Variants in TKFC observed in about 807,000 individuals in gnomAD.
The protein encoded by TKFC is triokinase and FMN cyclase.
In TKFC, 46 loss-of-function variants were observed where a neutral mutation model predicts 61.0. That is an observed-to-expected ratio of 0.75 (90% CI 0.60 to 0.96). The LOEUF (loss-of-function observed/expected upper bound fraction) is 0.96. Ranked by LOEUF, TKFC falls within the 50% of genes least tolerant of loss-of-function variation. The probability of loss-of-function intolerance (pLI) is 0.00; values close to 1 mark genes in which losing one functional copy is unlikely to be tolerated. For missense variants in TKFC, 715 were observed against 777.5 expected (o/e 0.92, Z 0.96); for synonymous variants, 314 against 330.1 (o/e 0.95, Z 0.53).
At chr11:61,351,096 G>A (rs1296755317), downstream of TKFC, 1 of 1,613,918 alleles carries the variant, frequency 6.2e-7, no homozygotes, top group Non-Finnish European at 8.5e-7. Context: ...CGGTGCTGTT[G>A]GCAAAGACCG....
chr11:61,339,388 AAGAAGGCAGGC>A lies in TKFC; in HGVS notation c.440_450del (p.Lys147ThrfsTer19). On this transcript the variant is annotated frameshift_variant, in exon 5 of 18. Coordinates refer to ENST00000394900, the MANE Select transcript of TKFC (RefSeq NM_015533.4). ...GGACGACAGCGCCTTCACTGTCCTGAAGAAGGCAGGCCGGCGGGGGCTGTGCGGCACGGTGC... is the reference window on the plus strand; with the variant it reads ...GGACGACAGCGCCTTCACTGTCCTGACGGCGGGGGCTGTGCGGCACGGTGC... 1.2e-6 allele frequency: 2 copies of A among 1,613,376 alleles called. No homozygotes were observed. Among genetic ancestry groups the A allele is most frequent in the Admixed American group, 3.3e-5 (2 of 60,020 alleles).
intron 2 of TKFC, among the ~76,000 whole-genome samples, chr11:61,337,423 G>A (rs1199664139): frequency 6.6e-6 from 1 of 152,222 alleles, no homozygotes; most frequent in Non-Finnish European, 1.5e-5. Flanking sequence ...TGGGATTACA[G>A]GCATGAGCCA....
intron 10 of TKFC, 23 bp from the exon 11 acceptor site, chr11:61,343,316 TGGA>T (rs1315740314): frequency 6.2e-7 from 1 of 1,600,958 alleles, no homozygotes; most frequent in Admixed American, 1.7e-5. Flanking sequence ...TTTTCCCTTT[TGGA>T]CTGCCACACT....
intron 10 of TKFC, 87 bp from the exon 11 acceptor site, chr11:61,343,255 C>T (rs957086393): frequency 1.6e-6 from 2 of 1,274,880 alleles, no homozygotes; most frequent in African/African-American, 1.5e-5. Context: ...CCTCAGAGCC[C>T]CAGCTTCCAA....
chr11:61,338,268 C>T, intron 3 of TKFC, 138 bp downstream of exon 3: 1 of 813,814 alleles, frequency 1.2e-6, no homozygotes, highest in Non-Finnish European at 1.8e-6. Flanking sequence ...CTCCCACTCC[C>T]TCCGGCTGGG....
chr11:61,349,425 AG>A, downstream of TKFC: 3 of 642,374 alleles, frequency 4.7e-6, no homozygotes, highest in Non-Finnish European at 8.5e-6. Context: ...CAAGAGAGCA[AG>A]GCCAGACCTG....
downstream of TKFC, chr11:61,349,676 A>G (rs774479891): frequency 1.7e-5 from 12 of 702,330 alleles, no homozygotes; most frequent in African/African-American, 8.7e-5. Context: ...GTCACAATAC[A>G]TGCAGACACA....
chr11:61,341,798 T>G (rs1311783769), intron 6 of TKFC, 25 bp from the exon 7 acceptor site: 2 of 1,603,460 alleles, frequency 1.2e-6, no homozygotes, highest in Non-Finnish European at 1.7e-6. Context: ...GGAACAGTCA[T>G]CCCTTCATGC....
downstream of TKFC, chr11:61,353,212 C>G: frequency 1.3e-6 from 2 of 1,500,924 alleles, no homozygotes; most frequent in Non-Finnish European, 1.8e-6. Context: ...ATCAGTGCCT[C>G]CTCCCCATCT....
At position 61,339,046 on chromosome 11, in the gene TKFC, T is replaced by C; in HGVS notation, c.194-20T>C. 1 of 1,607,292 alleles carries C rather than the reference T, an allele frequency of 6.2e-7. No homozygotes were observed. Among genetic ancestry groups the C allele is most frequent in the Non-Finnish European group, 8.5e-7 (1 of 1,175,894 alleles). ...CGCGAGTCCCACCCAGCATGCTCAC[T>C]CCACTCCTTCCACCTCCAGGTTTCA... On this transcript the variant is annotated intron_variant, in intron 3 of 17. Coordinates refer to ENST00000394900, the MANE Select transcript of TKFC (RefSeq NM_015533.4).
At position 61,343,412 on chromosome 11, in the gene TKFC, T is replaced by G. The variant is rs1480902018; in HGVS notation, c.936T>G (p.Ile312Met). The G allele has an allele frequency of 6.2e-7, 1 of 1,614,164 alleles. No homozygotes were observed. Among genetic ancestry groups the G allele is most frequent in the Non-Finnish European group, 8.5e-7 (1 of 1,180,010 alleles). ...TFMSALEMPG[I>M]SLTLLLVDEP... ...TGTCAGCACTGGAGATGCCTGGCAT[T>G]TCTCTCACCCTCCTGCTGGTGGATG... The change falls in exon 11 of 18, where the codon ATT becomes ATG. Residue 312 changes from isoleucine (I) to methionine (M), a missense_variant. Physicochemically the swap from Ile to Met is conservative, Grantham distance 10 (BLOSUM62 1). Transcript: ENST00000394900.
In TKFC at chr11:61,346,224, G is replaced by A; in HGVS notation, c.1576-127G>A. On this transcript the variant is annotated intron_variant, in intron 17 of 17. Coordinates refer to ENST00000394900, the MANE Select transcript of TKFC (RefSeq NM_015533.4). This position sits in a 1 kb window ranked among gnomAD's most constrained non-coding sequence, Gnocchi z 4.1. ...ACTTTCCATTTGGTGACAGAGCAGA[G>A]GGTGCTGGCAGAGCCAGGGCAAGGG... 1.9e-6 allele frequency: 3 copies of A among 1,546,322 alleles called. No homozygotes were observed.
Position 61,341,895 on chromosome 11 carries a change from A to T in TKFC, c.638A>T (p.Glu213Val), listed in dbSNP as rs372731860. 31 of 1,613,448 alleles carry T rather than the reference A, an allele frequency of 1.9e-5. No homozygotes were observed. The African/African-American group carries it at 3.9e-4, about 20-fold the overall frequency. ...SKPTFELSADEVELGLGIHGE... is the reference protein window; with the variant it reads ...SKPTFELSADVVELGLGIHGE... ...CCCACCTTCGAGCTCTCAGCCGACG[A>T]GGTGGAGCTGGGCCTGGGTAAGCTT... The change falls in exon 7 of 18, where the codon GAG becomes GTG. Residue 213 changes from glutamate to valine, a missense_variant. Glu to Val is a moderately radical substitution (Grantham distance 121). Transcript: ENST00000394900.
At chr11:61,351,115 G>A, downstream of TKFC, 1 of 1,613,750 alleles carries the variant, frequency 6.2e-7, no homozygotes, top group Non-Finnish European at 8.5e-7. Flanking sequence ...CGCCTCACTG[G>A]GCAGGCTGTG....
chr11:61,347,942 C>A lies in TKFC; in HGVS notation c.*1439C>A. ...GTTGGGCCCCCAGCCCCTCCCAGGTCATCTGCTCTACCACTAGCTGGTAGG... is the reference window on the plus strand; with the variant it reads ...GTTGGGCCCCCAGCCCCTCCCAGGTAATCTGCTCTACCACTAGCTGGTAGG... On this transcript the variant is annotated 3_prime_UTR_variant, in exon 18 of 18. Transcript: ENST00000394900. 2.0e-6 allele frequency: 2 copies of A among 985,362 alleles called. No individual in the cohort carries two copies. The highest frequency in any genetic ancestry group is 2.4e-6 in the Non-Finnish European group (2 of 829,882). 61.0% of individuals were successfully genotyped at this position (985,362 alleles called of 1,614,324 possible).
downstream of TKFC, chr11:61,352,795 C>T: frequency 7.0e-7 from 1 of 1,437,824 alleles, no homozygotes; most frequent in Non-Finnish European, 9.1e-7. Context: ...CAAACTGATG[C>T]TCAATAAATA....
At chr11:61,342,358 G>T (rs1053931751) in intron 7 of TKFC, 103 bp from the exon 8 acceptor site, 8 of 1,458,216 alleles carry the variant, frequency 5.5e-6, no homozygotes, top group Non-Finnish European at 7.7e-6. Flanking sequence ...CCCCACTCCC[G>T]CCCACTTACT....
Position 61,348,031 on chromosome 11 carries a change from C to T in TKFC, c.*1528C>T, listed in dbSNP as rs991198351. On this transcript the variant is annotated 3_prime_UTR_variant, in exon 18 of 18. Coordinates refer to ENST00000394900, the MANE Select transcript of TKFC (RefSeq NM_015533.4). ...GGCCCAAATTTGGCTGCAGGCTCCC[C>T]GAGTGCCTGGGCTTCTCTACCCAGG... 8.9e-5 allele frequency: 88 copies of T among 985,328 alleles called. No homozygotes were observed. Among genetic ancestry groups the T allele is most frequent in the Middle Eastern group, 5.2e-4 (1 of 1,936 alleles). 61.0% of individuals were successfully genotyped at this position (985,328 alleles called of 1,614,324 possible).
At position 61,342,812 on chromosome 11, in the gene TKFC, G is replaced by A. The variant is rs375628055; in HGVS notation, c.833G>A (p.Gly278Asp). 6.2e-7 allele frequency: 1 copy of A among 1,614,034 alleles called. No individual in the cohort carries two copies. Among genetic ancestry groups the A allele is most frequent in the Middle Eastern group, 1.6e-4 (1 of 6,062 alleles). Residue 278 changes from glycine (G) to aspartate (D), a missense_variant, in exon 10 of 18, where the codon GGC (glycine) becomes GAC (aspartate). By Grantham distance (94) the Gly-to-Asp change is moderately conservative. Coordinates refer to ENST00000394900, the MANE Select transcript of TKFC (RefSeq NM_015533.4). ...GGTGGCCTGTCATTCCTGGAACTGG[G>A]CATCATAGCCGACGCTACCGTCCGC... Reference protein sequence around the residue: ...NLGGLSFLELGIIADATVRSL... With the variant: ...NLGGLSFLELDIIADATVRSL...
Sources: allele counts gnomAD v4.1 joint callset (sites outside exome capture counted in the v4.1 genomes callset), GRCh38; gene constraint gnomAD v4.1.1; non-coding constraint Gnocchi (gnomAD v3.1); transcripts MANE v1.5; gene names NCBI Gene and HGNC (gene_info 2026-07-23, HGNC 2026-07-21).